Variants in GPRC5B observed in about 807,000 individuals in gnomAD.
The protein encoded by GPRC5B is G protein-coupled receptor family C group 5 member B.
Under a neutral mutation model 30.1 loss-of-function variants are expected in GPRC5B, and 16 were observed. The ratio of observed to expected loss-of-function variants is 0.53; its 90% CI spans 0.36 to 0.81. GPRC5B has a LOEUF of 0.81. Ranked by LOEUF, GPRC5B falls within the 30% of genes least tolerant of loss-of-function variation. The pLI, the probability that GPRC5B is intolerant of heterozygous loss-of-function variation, is 0.01. For missense variants in GPRC5B, 428 were observed against 544.7 expected (o/e 0.79, Z 2.13); for synonymous variants, 241 against 239.5 (o/e 1.01, Z -0.06).
intron 2 of GPRC5B, 135 bp downstream of exon 2, chr16:19,871,681 T>A: frequency 1.3e-6 from 1 of 756,662 alleles, no homozygotes; most frequent in South Asian, 1.7e-5. Flanking sequence ...AGCCCAGGAG[T>A]CAACATTTGT....
At chr16:19,862,990 G>A (rs1367126803) in intron 2 of GPRC5B, among the ~76,000 whole-genome samples, 2 of 152,150 alleles carry the variant, frequency 1.3e-5, no homozygotes, top group African/African-American at 4.8e-5. Context: ...TTGTTTGTTT[G>A]TTTTGCAAAT....
rs1374396944 is a variant in GPRC5B, at chr16:19,860,279, C to T, written c.*221G>A. Reference sequence around the variant, plus strand: ...GGGGATTGAGGTTGGTCTGGTATTACGTGTCTGTGTGTGTGGCAGGGGAGG... The same window carrying T: ...GGGGATTGAGGTTGGTCTGGTATTATGTGTCTGTGTGTGTGGCAGGGGAGG... On this transcript the variant is annotated 3_prime_UTR_variant, in exon 4 of 4. Transcript: ENST00000300571. 9 of 553,278 alleles carry T rather than the reference C, an allele frequency of 1.6e-5. No individual in the cohort carries two copies. Among genetic ancestry groups the T allele is most frequent in the Admixed American group, 6.4e-5 (2 of 31,302 alleles). 34.3% of individuals were successfully genotyped at this position (553,278 alleles called of 1,614,324 possible).
chr16:19,868,568 A>G (rs946172126), intron 2 of GPRC5B, among the ~76,000 whole-genome samples: 4 of 152,072 alleles, frequency 2.6e-5, no homozygotes, highest in Non-Finnish European at 5.9e-5. Context: ...CTGGGTTCCC[A>G]GTGCTGATCT....
rs115211701 is a variant in GPRC5B at position 19,857,132 on chromosome 16, A to T, written c.*3368T>A. On this transcript the variant is annotated 3_prime_UTR_variant, in exon 4 of 4. Coordinates refer to ENST00000300571, the MANE Select transcript of GPRC5B (RefSeq NM_016235.3). ...GTCTAAGTCCCAAAGTATTATATAG[A>T]AAGTTCCTGCTTTTATGGGTAAACT... is the stretch of plus-strand genomic sequence containing the variant. The T allele has an allele frequency of 9.9e-6, 2 of 202,644 alleles. No homozygotes were observed. Among genetic ancestry groups the T allele is most frequent in the African/African-American group, 4.8e-5 (2 of 41,814 alleles). 12.6% of individuals were successfully genotyped at this position (202,644 alleles called of 1,614,324 possible). A position where few individuals can be genotyped will look rare whatever the true frequency, so the allele number is the denominator to read the frequency against.
chr16:19,885,307 G>GC, upstream of GPRC5B: 1 of 1,254,422 alleles, frequency 8.0e-7, no homozygotes, highest in Non-Finnish European at 1.0e-6. The surrounding 1 kb of genome is among the most constrained non-coding windows in gnomAD (Gnocchi z 5.3). Flanking sequence ...AAACACACCA[G>GC]CACCAGGTCC....
At chr16:19,881,465 CT>C (rs1469280342) in intron 1 of GPRC5B, among the ~76,000 whole-genome samples, 2 of 151,870 alleles carry the variant, frequency 1.3e-5, no homozygotes, top group African/African-American at 2.4e-5. Flanking sequence ...GAAGCAACAG[CT>C]TTTTAGTGAA....
chr16:19,876,411 C>T (rs545001616), intron 1 of GPRC5B, among the ~76,000 whole-genome samples: 3 of 152,252 alleles, frequency 2.0e-5, no homozygotes, highest in South Asian at 2.1e-4. Context: ...GGTTTAGGCA[C>T]GTAAAGAGAG....
At chr16:19,885,323 G>T (rs182053290), upstream of GPRC5B, 17 of 1,229,126 alleles carry the variant, frequency 1.4e-5, no homozygotes, top group East Asian at 3.9e-4. This position sits in a 1 kb window ranked among gnomAD's most constrained non-coding sequence, Gnocchi z 5.3. Flanking sequence ...GGTCCAGGAC[G>T]CAGAGAGGAT....
At chr16:19,863,651 T>TGCCA (rs1786082845) in intron 2 of GPRC5B, among the ~76,000 whole-genome samples, 1 of 151,980 alleles carries the variant, frequency 6.6e-6, no homozygotes. Flanking sequence ...CACAAGCACG[T>TGCCA]GCCACCATGC....
chr16:19,884,955 GC>G (rs1332136033), upstream of GPRC5B: 3 of 848,510 alleles, frequency 3.5e-6, no homozygotes, highest in Admixed American at 1.3e-4. Context: ...CCGCCCCCGG[GC>G]CTCCGAGCCC....
At chr16:19,866,127 C>T (rs1023485126) in intron 2 of GPRC5B, among the ~76,000 whole-genome samples, 9 of 151,846 alleles carry the variant, frequency 5.9e-5, no homozygotes, top group African/African-American at 2.2e-4. Flanking sequence ...CGGGGTTTTA[C>T]CATATTGGCC....
intron 2 of GPRC5B, among the ~76,000 whole-genome samples, chr16:19,869,550 C>T (rs1277326556): frequency 6.6e-6 from 1 of 152,030 alleles, no homozygotes; most frequent in Non-Finnish European, 1.5e-5. Context: ...TTTCAAGTAT[C>T]AATAGCAGGG....
At chr16:19,869,126 C>T (rs774949803) in intron 2 of GPRC5B, among the ~76,000 whole-genome samples, 5 of 151,860 alleles carry the variant, frequency 3.3e-5, no homozygotes, top group South Asian at 2.1e-4. Context: ...GTCAGGAGTT[C>T]GAGACCAGCC....
intron 1 of GPRC5B, among the ~76,000 whole-genome samples, chr16:19,881,364 C>T (rs1488399894): frequency 6.6e-6 from 1 of 151,788 alleles, no homozygotes; most frequent in Non-Finnish European, 1.5e-5. Flanking sequence ...GAAGGGAGTT[C>T]AAGACCAGCC....
intron 2 of GPRC5B, among the ~76,000 whole-genome samples, chr16:19,868,185 A>C (rs974902767): frequency 4.0e-5 from 6 of 151,556 alleles, no homozygotes; most frequent in African/African-American, 1.5e-4. Context: ...GACCAGCCTG[A>C]CCAACATGGA....
intron 2 of GPRC5B, among the ~76,000 whole-genome samples, chr16:19,866,324 A>G (rs2141140968): frequency 6.6e-6 from 1 of 152,206 alleles, no homozygotes; most frequent in African/African-American, 2.4e-5. Flanking sequence ...CCCTGGGCAA[A>G]GGGATTTTAA....
Position 19,857,100 on chromosome 16 carries a change from T to C in GPRC5B, c.*3400A>G, listed in dbSNP as rs1297418070. Reference sequence around the variant, plus strand: ...AACCCAGACAGATGTAACAAAGGATTTTTGTTGTCTAAGTCCCAAAGTATT... The same window carrying C: ...AACCCAGACAGATGTAACAAAGGATCTTTGTTGTCTAAGTCCCAAAGTATT... On this transcript the variant is annotated 3_prime_UTR_variant, in exon 4 of 4. Transcript: ENST00000300571. The C allele has an allele frequency of 5.5e-6, 1 of 180,860 alleles. No homozygotes were observed. Among genetic ancestry groups the C allele is most frequent in the African/African-American group, 2.4e-5 (1 of 41,634 alleles). The allele number at this position is 180,860 out of a possible 1,614,324, so 11.2% of individuals were successfully genotyped here.
In GPRC5B at chr16:19,856,724, A is replaced by C. The variant is rs2056567463; in HGVS notation, c.*3776T>G. 2 of 589,038 alleles carry C rather than the reference A, an allele frequency of 3.4e-6. No individual in the cohort carries two copies. Among genetic ancestry groups the C allele is most frequent in the East Asian group, 5.7e-5 (2 of 34,988 alleles). 36.5% of individuals were successfully genotyped at this position (589,038 alleles called of 1,614,324 possible). On this transcript the variant is annotated 3_prime_UTR_variant, in exon 4 of 4. Coordinates refer to ENST00000300571, the MANE Select transcript of GPRC5B (RefSeq NM_016235.3). The stretch of plus-strand genomic sequence containing the variant: ...AAACAAGCTTTAATGCAAATAGTTT[A>C]GAAAAGAAAGGACCAGTCTTCACTT...
intron 2 of GPRC5B, among the ~76,000 whole-genome samples, chr16:19,869,847 G>A (rs1041619350): frequency 7.2e-5 from 11 of 152,090 alleles, no homozygotes; most frequent in Non-Finnish European, 1.3e-4. Flanking sequence ...TGAGGTGGGG[G>A]GATCACTTGG....
Sources: allele counts gnomAD v4.1 joint callset (sites outside exome capture counted in the v4.1 genomes callset), GRCh38; gene constraint gnomAD v4.1.1; non-coding constraint Gnocchi (gnomAD v3.1); transcripts MANE v1.5; gene names NCBI Gene and HGNC (gene_info 2026-07-23, HGNC 2026-07-21).